The following TBC1D10A variants were observed in gnomAD, a reference collection of about 807,000 sequenced individuals.
The protein encoded by TBC1D10A is EBP50-PDX interactor of 64 kDa.
In TBC1D10A, 24 loss-of-function variants were observed where a neutral mutation model predicts 52.9. The observed-to-expected ratio is 0.45, with a 90% CI of 0.33 to 0.64. The LOEUF (loss-of-function observed/expected upper bound fraction) is 0.64. Among genes scored for constraint, TBC1D10A ranks in the 30% least tolerant of loss-of-function variants. The probability of loss-of-function intolerance (pLI) is 0.02; values close to 1 mark genes in which losing one functional copy is unlikely to be tolerated. For synonymous variants in TBC1D10A, 278 were observed against 282.9 expected (o/e 0.98, Z 0.17); for missense variants, 602 against 687.9 (o/e 0.88, Z 1.40).
rs748342362 is a variant in TBC1D10A, at chr22:30,295,888, G to C, written c.418-45C>G. 4 of 1,560,612 alleles carry C rather than the reference G, an allele frequency of 2.6e-6. No homozygotes were observed. In the South Asian group the frequency reaches 3.5e-5, roughly 14 times the overall value. Reference sequence around the variant, plus strand: ...TTAGGGGCTGGGGAGGATGGAGGTGGGCTTTGCTGACAGGACACGGCTGCC... The same window carrying C: ...TTAGGGGCTGGGGAGGATGGAGGTGCGCTTTGCTGACAGGACACGGCTGCC... On this transcript the variant is annotated intron_variant, in intron 3 of 8. Coordinates refer to ENST00000215790, the MANE Select transcript of TBC1D10A (RefSeq NM_031937.3).
intron 2 of TBC1D10A, among the ~76,000 whole-genome samples, chr22:30,301,618 C>G (rs1348978542): frequency 1.3e-5 from 2 of 152,200 alleles, no homozygotes; most frequent in Non-Finnish European, 2.9e-5. Context: ...CCTAACTTCC[C>G]CTCACCTAGA....
intron 1 of TBC1D10A, among the ~76,000 whole-genome samples, chr22:30,307,003 G>C (rs1042999941): frequency 2.6e-5 from 4 of 152,154 alleles, no homozygotes; most frequent in African/African-American, 9.7e-5. Context: ...TCTACATTAG[G>C]CAAGTCCCCT....
At chr22:30,302,591 GT>G (rs1458495970) in intron 2 of TBC1D10A, among the ~76,000 whole-genome samples, 3 of 152,246 alleles carry the variant, frequency 2.0e-5, no homozygotes, top group African/African-American at 7.2e-5. Flanking sequence ...GCAGGGCCCA[GT>G]ATGGCCACAG....
rs1930105516 is a variant in TBC1D10A, at chr22:30,297,445, T to A, written c.418-1602A>T. ...GAAGTCAGTTCCTAGGATGTGTTCATCTGGCACTTCAGCAGCCTAAGGCAC... is the reference window on the plus strand; with the variant it reads ...GAAGTCAGTTCCTAGGATGTGTTCAACTGGCACTTCAGCAGCCTAAGGCAC... On this transcript the variant is annotated intron_variant, in intron 3 of 8. Transcript: ENST00000215790. This position sits in a 1 kb window ranked among gnomAD's most constrained non-coding sequence, Gnocchi z 4.3. The A allele has an allele frequency of 1.3e-5, 2 of 152,216 alleles. No homozygotes were observed. The highest frequency in any genetic ancestry group is 2.9e-5 in the Non-Finnish European group (2 of 68,056). The allele number at this position is 152,216 out of a possible 1,614,324, so 9.4% of individuals were successfully genotyped here.
intron 1 of TBC1D10A, among the ~76,000 whole-genome samples, chr22:30,317,686 C>T (rs758298250): frequency 6.6e-6 from 1 of 152,162 alleles, no homozygotes; most frequent in Non-Finnish European, 1.5e-5. Flanking sequence ...ACAATCACAG[C>T]TCACTGCAGC....
At chr22:30,307,550 A>G (rs911422901) in intron 1 of TBC1D10A, among the ~76,000 whole-genome samples, 9 of 152,098 alleles carry the variant, frequency 5.9e-5, no homozygotes, top group Non-Finnish European at 1.2e-4. Context: ...CCAGGCACAC[A>G]CATGTTTATC....
chr22:30,315,975 C>T (rs1379871838), intron 1 of TBC1D10A, among the ~76,000 whole-genome samples: 1 of 152,172 alleles, frequency 6.6e-6, no homozygotes, highest in Non-Finnish European at 1.5e-5. Flanking sequence ...AGGAGGAATG[C>T]TGGGTGCCAG....
rs111794981 is a variant in TBC1D10A, at chr22:30,302,301, G to A, written c.309+2230C>T. Among the ~76,000 whole-genome samples, 1,472 of 152,348 alleles carry A rather than the reference G, an allele frequency of 9.7e-3. 22 individuals carry two copies. The highest frequency in any genetic ancestry group is 0.033 in the African/African-American group (1,379 of 41,578). On this transcript the variant is annotated intron_variant, in intron 2 of 8. Coordinates refer to ENST00000215790, the MANE Select transcript of TBC1D10A (RefSeq NM_031937.3). ...AAAGGAGGTCTCTGATGAAAGCTGA[G>A]TGAGGACACACCCTTGCCTGCTGAA...
Position 30,293,545 on chromosome 22 carries a change from T to G in TBC1D10A, c.1050+106A>C, listed in dbSNP as rs1439790009. 2.0e-6 allele frequency: 3 copies of G among 1,478,192 alleles called. No individual in the cohort carries two copies. In the African/African-American group the frequency reaches 4.2e-5, roughly 21 times the overall value. The allele number at this position is 1,478,192 out of a possible 1,614,324, so 91.6% of individuals were successfully genotyped here. On this transcript the variant is annotated intron_variant, in intron 8 of 8. Coordinates refer to ENST00000215790, the MANE Select transcript of TBC1D10A (RefSeq NM_031937.3). ...GTTCTGTGTTGCCTAGCAATGGTCC[T>G]GGCATAGGATCCACCCTCAGGGGCT... is the stretch of plus-strand genomic sequence containing the variant.
intron 1 of TBC1D10A, among the ~76,000 whole-genome samples, chr22:30,313,261 C>T (rs1169539421): frequency 6.6e-6 from 1 of 151,420 alleles, no homozygotes; most frequent in Non-Finnish European, 1.5e-5. Flanking sequence ...TGAGAAGGCG[C>T]GTTCCTGGAG....
chr22:30,293,568 G>A, intron 8 of TBC1D10A, 83 bp downstream of exon 8: 2 of 1,517,500 alleles, frequency 1.3e-6, no homozygotes, highest in South Asian at 1.2e-5. Flanking sequence ...ACCCTCAGGG[G>A]CTGAGGGTTA....
intron 1 of TBC1D10A, among the ~76,000 whole-genome samples, chr22:30,305,920 C>T (rs910529576): frequency 1.3e-5 from 2 of 152,236 alleles, no homozygotes; most frequent in African/African-American, 4.8e-5. Context: ...TGCTGCCCCT[C>T]TCACCACCTA....
At chr22:30,300,997 C>A (rs910073800) in intron 2 of TBC1D10A, among the ~76,000 whole-genome samples, 1 of 152,116 alleles carries the variant, frequency 6.6e-6, no homozygotes, top group African/African-American at 2.4e-5. Context: ...ACTATCAAAA[C>A]GATCATGTCT....
intron 2 of TBC1D10A, among the ~76,000 whole-genome samples, chr22:30,303,018 T>C (rs1930234265): frequency 6.6e-6 from 1 of 152,256 alleles, no homozygotes; most frequent in African/African-American, 2.4e-5. Context: ...CAGTGGCTCA[T>C]GCCAGTAATT....
At position 30,326,688 on chromosome 22, in the gene TBC1D10A, T is replaced by C; in HGVS notation, c.194A>G (p.Gln65Arg). The change falls in exon 1 of 9, where the codon CAG becomes CGG. Residue 65 changes from glutamine to arginine, a missense_variant. Around this residue, in one of 3 missense-constraint regions of TBC1D10A, gnomAD observed 201 missense variants for 204.4 expected, o/e 0.98. Transcript: ENST00000215790. Reference sequence around the variant, plus strand: ...CGCTACTCACGCGCCCTCGGCGCCCTGCGAGCCCACGATGAAGCCGAACTT... The same window carrying C: ...CGCTACTCACGCGCCCTCGGCGCCCCGCGAGCCCACGATGAAGCCGAACTT... ...IDKFGFIVGS[Q>R]GAEGALEEVP... The C allele has an allele frequency of 5.2e-6, 8 of 1,550,718 alleles. No individual in the cohort carries two copies. The highest frequency in any genetic ancestry group is 7.0e-6 in the Non-Finnish European group (8 of 1,148,016).
intron 8 of TBC1D10A, 159 bp downstream of exon 8, chr22:30,293,492 C>G (rs1929996994): frequency 9.0e-7 from 1 of 1,107,090 alleles, no homozygotes; most frequent in Admixed American, 2.1e-5. Flanking sequence ...TGCTCTTCAC[C>G]AGACAGAAGG....
Position 30,292,812 on chromosome 22 carries a change from C to G in TBC1D10A, c.1090G>C (p.Glu364Gln), listed in dbSNP as rs1188661979. The change falls in exon 9 of 9, where the codon GAA (glutamate) becomes CAA (glutamine). Residue 364 changes from glutamate (E) to glutamine (Q), a missense_variant. By Grantham distance (29) the Glu-to-Gln change is conservative. Coordinates refer to ENST00000215790, the MANE Select transcript of TBC1D10A (RefSeq NM_031937.3). ...LPVTERQIER[E>Q]HLIQLRRWQE... ...CAGCGCCGCAGCTGAATGAGGTGTT[C>G]GCGCTCAATCTGGCGCTCTGTCACG... is the stretch of plus-strand genomic sequence containing the variant. 19 of 1,611,596 alleles carry G rather than the reference C, an allele frequency of 1.2e-5. No homozygotes were observed. Among genetic ancestry groups the G allele is most frequent in the Non-Finnish European group, 1.6e-5 (19 of 1,179,960 alleles).
intron 1 of TBC1D10A, chr22:30,318,983 A>C (rs1257055048): frequency 3.4e-6 from 1 of 294,952 alleles, no homozygotes; most frequent in East Asian, 1.0e-4. Context: ...AGACTGCCCA[A>C]CCCATTTCCC....
At chr22:30,323,635 A>G (rs1423498686) in intron 1 of TBC1D10A, among the ~76,000 whole-genome samples, 1 of 152,162 alleles carries the variant, frequency 6.6e-6, no homozygotes, top group African/African-American at 2.4e-5. Flanking sequence ...CAGTTTCCTC[A>G]TCTATGTAAG....
Sources: allele counts gnomAD v4.1 joint callset (sites outside exome capture counted in the v4.1 genomes callset), GRCh38; gene constraint gnomAD v4.1.1; regional missense constraint gnomAD v4.1.1; non-coding constraint Gnocchi (gnomAD v3.1); transcripts MANE v1.5; gene names NCBI Gene and HGNC (gene_info 2026-07-23, HGNC 2026-07-21).